The following CHODL variants were observed in gnomAD, a reference collection of about 807,000 sequenced individuals.
The protein encoded by CHODL is chondrolectin, also known as transmembrane protein MT75.
CHODL carries 29 observed loss-of-function variants against 34.5 expected under a neutral mutation model. That is an observed-to-expected ratio of 0.84 (90% CI 0.63 to 1.15). The LOEUF is 1.15. Ranked by LOEUF, CHODL falls within the 50% of genes most tolerant of loss-of-function variation. The pLI is 0.00. For missense variants in CHODL, 332 were observed against 332.5 expected (o/e 1.00, Z 0.01); for synonymous variants, 125 against 116.1 (o/e 1.08, Z -0.49).
chr21:18,069,523 A>G (rs1466640122), intron 2 of CHODL, among the ~76,000 whole-genome samples: 1 of 138,830 alleles, frequency 7.2e-6, no homozygotes, highest in East Asian at 1.9e-4. Context: ...TAAGGGGATT[A>G]TATATATATA....
At chr21:18,041,996 G>A (rs563504777) in intron 2 of CHODL, among the ~76,000 whole-genome samples, 105 of 151,718 alleles carry the variant, frequency 6.9e-4, no homozygotes, top group African/African-American at 2.5e-3. Flanking sequence ...ATTTGGAGAG[G>A]TGAAAAAATC....
intron 1 of CHODL, among the ~76,000 whole-genome samples, chr21:17,999,515 A>T (rs1055455834): frequency 2.0e-5 from 3 of 152,208 alleles, no homozygotes; most frequent in East Asian, 1.9e-4. Flanking sequence ...CTGTGGAAAA[A>T]AAAAGGTTTA....
intron 1 of CHODL, among the ~76,000 whole-genome samples, chr21:17,986,385 A>G (rs772615542): frequency 6.6e-5 from 10 of 151,464 alleles, no homozygotes; most frequent in Admixed American, 2.0e-4. Context: ...TCATTGTTCA[A>G]CTCCCACTTA....
At chr21:18,055,687 G>C (rs1196915888) in intron 2 of CHODL, among the ~76,000 whole-genome samples, 7 of 151,972 alleles carry the variant, frequency 4.6e-5, no homozygotes, top group African/African-American at 1.7e-4. Context: ...GGGGCATTGT[G>C]TTTTCTGCTT....
In CHODL at chr21:17,957,545, A is replaced by T. The variant is rs114969510; in HGVS notation, c.-145+40145A>T. Among the ~76,000 whole-genome samples, 690 of 152,232 alleles carry T rather than the reference A, an allele frequency of 4.5e-3. 4 individuals carry two copies. The highest frequency in any genetic ancestry group is 0.016 in the African/African-American group (651 of 41,542). On this transcript the variant is annotated intron_variant, in intron 1 of 6. Coordinates refer to the CHODL transcript ENST00000400127. ...AATCCACTGTGATGGGACCATGAAT[A>T]GTGGAAATTGGAGGTCTTTTTGTAC...
intron 1 of CHODL, among the ~76,000 whole-genome samples, chr21:17,945,655 A>G (rs1443380282): frequency 6.6e-6 from 1 of 152,188 alleles, no homozygotes; most frequent in Admixed American, 6.5e-5. Flanking sequence ...CAGAAGGAGA[A>G]CAAAGAGAGA....
At position 17,956,473 on chromosome 21, in the gene CHODL, C is replaced by T. The variant is rs536696698; in HGVS notation, c.-145+39073C>T. ...TCTCAGATATTTCTTTATTGCAATG[C>T]AAGAACAACCTAAGATACCATCCTT... On this transcript the variant is annotated intron_variant, in intron 1 of 6. Transcript: ENST00000400127. Among the ~76,000 whole-genome samples, 4 of 136,926 alleles carry T rather than the reference C, an allele frequency of 2.9e-5. 1 individual carries two copies. The South Asian group carries it at 1.1e-3, about 39-fold the overall frequency. 89.8% of individuals were successfully genotyped at this position (136,926 alleles called of 152,430 possible).
intron 2 of CHODL, among the ~76,000 whole-genome samples, chr21:18,195,656 A>T (rs2073578465): frequency 6.6e-6 from 1 of 152,044 alleles, no homozygotes; most frequent in Admixed American, 6.6e-5. Context: ...TATCTGTTTC[A>T]ATTATCTGCA....
At chr21:18,237,772 C>T (rs777803116) in intron 2 of CHODL, among the ~76,000 whole-genome samples, 26 of 152,088 alleles carry the variant, frequency 1.7e-4, no homozygotes, top group Non-Finnish European at 2.8e-4. Context: ...ACCCAAATTT[C>T]CCACCTACTG....
At chr21:17,943,074 T>G (rs941265516) in intron 1 of CHODL, among the ~76,000 whole-genome samples, 1 of 152,232 alleles carries the variant, frequency 6.6e-6, no homozygotes, top group Non-Finnish European at 1.5e-5. Context: ...TGTGAGTCTA[T>G]TAAACCTCTT....
intron 1 of CHODL, among the ~76,000 whole-genome samples, chr21:17,957,558 G>T (rs1389480623): frequency 1.3e-5 from 2 of 151,954 alleles, no homozygotes; most frequent in Non-Finnish European, 2.9e-5. Flanking sequence ...GGAAATTGGA[G>T]GTCTTTTTGT....
chr21:18,050,172 C>T (rs1282731029), intron 2 of CHODL, among the ~76,000 whole-genome samples: 1 of 151,756 alleles, frequency 6.6e-6, no homozygotes, highest in East Asian at 1.9e-4. Flanking sequence ...AGGAAACACT[C>T]CACAGAGGGA....
chr21:18,148,515 C>T (rs1235926196), intron 2 of CHODL, among the ~76,000 whole-genome samples: 1 of 152,076 alleles, frequency 6.6e-6, no homozygotes, highest in African/African-American at 2.4e-5. Context: ...GTTTAATGTA[C>T]TTATGCACAC....
At chr21:18,053,599 C>A (rs1244656143) in intron 2 of CHODL, among the ~76,000 whole-genome samples, 1 of 151,790 alleles carries the variant, frequency 6.6e-6, no homozygotes, top group African/African-American at 2.4e-5. Flanking sequence ...AAAGGTAGAT[C>A]AACAGGAGCA....
At chr21:17,988,394 C>CT (rs538395989) in intron 1 of CHODL, among the ~76,000 whole-genome samples, 66 of 48,126 alleles carry the variant, frequency 1.4e-3, no homozygotes, top group South Asian at 6.5e-3. Flanking sequence ...TCCCTTTTTT[C>CT]CTTTTTTTTT....
chr21:18,091,568 CT>C (rs1302004302), intron 2 of CHODL, among the ~76,000 whole-genome samples: 1 of 152,152 alleles, frequency 6.6e-6, no homozygotes, highest in Non-Finnish European at 1.5e-5. Flanking sequence ...ATGAGCCCCC[CT>C]CTCCAAACCC....
At chr21:17,945,285 A>C (rs932410769) in intron 1 of CHODL, among the ~76,000 whole-genome samples, 3 of 152,078 alleles carry the variant, frequency 2.0e-5, no homozygotes, top group African/African-American at 7.2e-5. Flanking sequence ...GACTAAAAAA[A>C]ATTTAGAATA....
At chr21:18,101,896 A>G (rs1052804379) in intron 2 of CHODL, among the ~76,000 whole-genome samples, 7 of 152,150 alleles carry the variant, frequency 4.6e-5, no homozygotes, top group African/African-American at 1.4e-4. Flanking sequence ...TTTGAAAAGT[A>G]TATATTTCAC....
chr21:18,193,720 T>C (rs938538280), intron 2 of CHODL, among the ~76,000 whole-genome samples: 1 of 141,266 alleles, frequency 7.1e-6, no homozygotes, highest in Non-Finnish European at 1.6e-5. Flanking sequence ...ATAAAATAAA[T>C]AAATAAATAA....
Sources: gnomAD v4.1 joint callset for allele counts (sites outside exome capture counted in the v4.1 genomes callset) on GRCh38, gnomAD v4.1.1 for gene constraint, MANE v1.5 for transcripts, NCBI Gene and HGNC (gene_info 2026-07-23, HGNC 2026-07-21) for gene names.